The following CNTNAP4 variants were observed in gnomAD, a reference collection of about 807,000 sequenced individuals.
CNTNAP4 encodes contactin associated protein family member 4.
In CNTNAP4, 98 loss-of-function variants were observed where a neutral mutation model predicts 148.4. That is an observed-to-expected ratio of 0.66 (90% CI 0.56 to 0.78). CNTNAP4 has a LOEUF of 0.78. Among genes scored for constraint, CNTNAP4 ranks in the 30% least tolerant of loss-of-function variants. CNTNAP4 has a pLI of 0.00. For synonymous variants in CNTNAP4, 730 were observed against 565.1 expected (o/e 1.29, Z -4.14); for missense variants, 1,935 against 1,565.6 (o/e 1.24, Z -3.98).
At chr16:76,368,789 C>G (rs985219551) in intron 3 of CNTNAP4, among the ~76,000 whole-genome samples, 2 of 151,882 alleles carry the variant, frequency 1.3e-5, no homozygotes, top group African/African-American at 4.8e-5. Flanking sequence ...ACCTGCACAT[C>G]CTGCACGTGT....
Position 76,373,264 on chromosome 16 carries a change from A to T in CNTNAP4, c.390+17753A>T, listed in dbSNP as rs986435195. ...AAATAGGTGAATATATTCCACATAT[A>T]TATGTGAAATATATTCCACATAAAT... On this transcript the variant is annotated intron_variant, in intron 3 of 23. Transcript: ENST00000611870. 5.3e-5 allele frequency among the ~76,000 whole-genome samples: 8 copies of T among 149,690 alleles called. 1 individual carries two copies. The highest frequency in any genetic ancestry group is 1.0e-4 in the African/African-American group (4 of 40,002).
intron 3 of CNTNAP4, among the ~76,000 whole-genome samples, chr16:76,402,649 G>A (rs534290975): frequency 1.8e-4 from 27 of 152,166 alleles, no homozygotes; most frequent in Non-Finnish European, 3.4e-4. Flanking sequence ...GTGATGTTAG[G>A]TTGTTAATTT....
intron 1 of CNTNAP4, among the ~76,000 whole-genome samples, chr16:76,283,534 T>C (rs886388805): frequency 5.3e-5 from 8 of 152,104 alleles, no homozygotes; most frequent in Non-Finnish European, 1.2e-4. Context: ...TGGAGACCAC[T>C]ATTCTTGGCA....
In CNTNAP4 at chr16:76,539,800, G is replaced by A; in HGVS notation, c.3302G>A (p.Gly1101Glu). Reference protein sequence around the residue: ...VNFDFKNMADGQLHHIMINRE... With the variant: ...VNFDFKNMADEQLHHIMINRE... ...TTTGATTTTAAAAACATGGCTGATG[G>A]ACAACTTCACCACATAATGATTAAC... Residue 1101 changes from glycine (G) to glutamate (E), a missense_variant, in exon 20 of 24, where the codon GGA becomes GAA. Coordinates refer to ENST00000611870, the MANE Select transcript of CNTNAP4 (RefSeq NM_033401.5). 1 of 1,603,890 alleles carries A rather than the reference G, an allele frequency of 6.2e-7. No homozygotes were observed. Among genetic ancestry groups the A allele is most frequent in the Admixed American group, 1.7e-5 (1 of 58,040 alleles).
At chr16:76,454,200 C>T (rs1038836196) in intron 8 of CNTNAP4, among the ~76,000 whole-genome samples, 2 of 151,328 alleles carry the variant, frequency 1.3e-5, no homozygotes, top group African/African-American at 2.4e-5. Context: ...CCGCAACCTC[C>T]GCCTCCCGGG....
intron 3 of CNTNAP4, among the ~76,000 whole-genome samples, chr16:76,358,341 CAA>C (rs2012972500): frequency 6.6e-6 from 1 of 151,932 alleles, no homozygotes; most frequent in Non-Finnish European, 1.5e-5. Flanking sequence ...ATTTCAAAAA[CAA>C]AACAAACAGC....
At chr16:76,320,191 G>A (rs1962257028) in intron 2 of CNTNAP4, among the ~76,000 whole-genome samples, 1 of 152,150 alleles carries the variant, frequency 6.6e-6, no homozygotes, top group South Asian at 2.1e-4. Flanking sequence ...TTGTTAAAAA[G>A]TGGTAGAAAA....
At chr16:76,555,959 A>G (rs1456100461) in intron 23 of CNTNAP4, among the ~76,000 whole-genome samples, 29 of 152,184 alleles carry the variant, frequency 1.9e-4, no homozygotes, top group Admixed American at 1.9e-3. Flanking sequence ...TTGCTAAATC[A>G]TAATGTATCG....
intron 15 of CNTNAP4, among the ~76,000 whole-genome samples, chr16:76,517,328 G>A (rs1398819492): frequency 1.3e-5 from 2 of 152,064 alleles, no homozygotes; most frequent in Admixed American, 1.3e-4. Context: ...TCCTGCTATT[G>A]TTTTGTAAGG....
At chr16:76,483,657 A>C (rs1215557353) in intron 12 of CNTNAP4, among the ~76,000 whole-genome samples, 1 of 152,198 alleles carries the variant, frequency 6.6e-6, no homozygotes, top group Non-Finnish European at 1.5e-5. Context: ...AAAATCACCA[A>C]TGAGTAGCAC....
intron 3 of CNTNAP4, among the ~76,000 whole-genome samples, chr16:76,391,062 T>G (rs1381197845): frequency 6.6e-6 from 1 of 152,178 alleles, no homozygotes; most frequent in African/African-American, 2.4e-5. Context: ...TATTATTGAC[T>G]ATAGTCACCC....
intron 4 of CNTNAP4, among the ~76,000 whole-genome samples, chr16:76,445,985 C>T (rs764889594): frequency 5.8e-4 from 88 of 152,048 alleles, no homozygotes; most frequent in Non-Finnish European, 1.2e-3. Flanking sequence ...AGCTATGTAA[C>T]GAGGAAGGAT....
intron 3 of CNTNAP4, among the ~76,000 whole-genome samples, chr16:76,409,910 G>T (rs1244827405): frequency 6.6e-6 from 1 of 151,804 alleles, no homozygotes; most frequent in Non-Finnish European, 1.5e-5. Flanking sequence ...AATCACAACT[G>T]CATGTTATTG....
intron 15 of CNTNAP4, among the ~76,000 whole-genome samples, chr16:76,510,177 C>A (rs2082955518): frequency 1.4e-5 from 2 of 147,580 alleles, no homozygotes; most frequent in South Asian, 2.2e-4. Flanking sequence ...CCTAAGCAAC[C>A]AGTAACCTGC....
intron 1 of CNTNAP4, among the ~76,000 whole-genome samples, chr16:76,302,232 C>A (rs1447019325): frequency 2.0e-5 from 3 of 152,112 alleles, no homozygotes; most frequent in African/African-American, 7.2e-5. Flanking sequence ...AAAAAGCAAG[C>A]AGGGCAAGTA....
intron 1 of CNTNAP4, among the ~76,000 whole-genome samples, chr16:76,281,169 C>G (rs1958673071): frequency 6.6e-6 from 1 of 152,080 alleles, no homozygotes; most frequent in Non-Finnish European, 1.5e-5. Context: ...GACAGCTGGA[C>G]AGATTCTCAC....
intron 17 of CNTNAP4, among the ~76,000 whole-genome samples, chr16:76,526,302 C>G (rs1463897242): frequency 6.6e-6 from 1 of 152,198 alleles, no homozygotes; most frequent in African/African-American, 2.4e-5. Flanking sequence ...TGGAAAGAAT[C>G]AGATTTAGGG....
chr16:76,421,103 T>C (rs115965736), intron 3 of CNTNAP4, among the ~76,000 whole-genome samples: 1,830 of 152,178 alleles, frequency 0.012, 27 homozygotes, highest in African/African-American at 0.041. Context: ...GGCTATTTGA[T>C]CTGTCTTGGG....
intron 15 of CNTNAP4, among the ~76,000 whole-genome samples, chr16:76,518,032 C>G (rs2083313446): frequency 6.6e-6 from 1 of 152,006 alleles, no homozygotes; most frequent in African/African-American, 2.4e-5. Context: ...GTACATCTTC[C>G]TCTTTTACGT....
Sources: allele counts gnomAD v4.1 joint callset (sites outside exome capture counted in the v4.1 genomes callset), GRCh38; gene constraint gnomAD v4.1.1; transcripts MANE v1.5; gene names NCBI Gene and HGNC (gene_info 2026-07-23, HGNC 2026-07-21).